TRPC4: variants seen among roughly 807,000 people sequenced by gnomAD.
TRPC4 encodes the protein transient receptor potential cation channel subfamily C member 4.
A neutral mutation model predicts 99.4 loss-of-function variants in TRPC4; 49 were observed. The observed-to-expected ratio is 0.49, with a 90% CI of 0.39 to 0.63. The LOEUF (loss-of-function observed/expected upper bound fraction) is 0.63. Among genes scored for constraint, TRPC4 ranks in the 20% least tolerant of loss-of-function variants. TRPC4 has a pLI of 0.00. For missense variants in TRPC4, 898 were observed against 1,152.9 expected (o/e 0.78, Z 3.20); for synonymous variants, 454 against 425.9 (o/e 1.07, Z -0.81).
Position 37,825,015 on chromosome 13 carries a change from C to T in TRPC4, c.-27-41655G>A, listed in dbSNP as rs1488652491. On this transcript the variant is annotated intron_variant, in intron 1 of 10. Transcript: ENST00000379705. Reference sequence around the variant, plus strand: ...TTTAGTCTTGGGAGAGTGTATGTGTCGGGGAATTTATCCATTTCTTCTAGA... The same window carrying T: ...TTTAGTCTTGGGAGAGTGTATGTGTTGGGGAATTTATCCATTTCTTCTAGA... 5.9e-5 allele frequency among the ~76,000 whole-genome samples: 9 copies of T among 151,864 alleles called. No homozygotes were observed. In the South Asian group the frequency reaches 1.5e-3, roughly 25 times the overall value.
rs1187833323 is a variant in TRPC4 at position 37,633,980 on chromosome 13, A to G, written c.*2923T>C. 6.6e-6 allele frequency among the ~76,000 whole-genome samples: 1 copy of G among 152,134 alleles called. No homozygotes were observed. Among genetic ancestry groups the G allele is most frequent in the Admixed American group, 6.6e-5 (1 of 15,260 alleles). The stretch of plus-strand genomic sequence containing the variant: ...TTCTTATAAATGGGACTTCCAAAAT[A>G]CAATTGTGATAAACAAAGTGTTTTA... On this transcript the variant is annotated 3_prime_UTR_variant, in exon 11 of 11. Coordinates refer to ENST00000379705, the MANE Select transcript of TRPC4 (RefSeq NM_016179.4).
chr13:37,723,931 T>C (rs1172869351), intron 3 of TRPC4, among the ~76,000 whole-genome samples: 2 of 152,138 alleles, frequency 1.3e-5, no homozygotes, highest in Non-Finnish European at 2.9e-5. Context: ...ACTATTCCTT[T>C]CTAAAAATCT....
At position 37,700,523 on chromosome 13, in the gene TRPC4, A is replaced by G. The variant is rs78034011; in HGVS notation, c.898-8188T>C. 7.3e-3 allele frequency among the ~76,000 whole-genome samples: 1,118 copies of G among 152,344 alleles called. 10 individuals are homozygous for G. Among genetic ancestry groups the G allele is most frequent in the Middle Eastern group, 0.02 (6 of 294 alleles). On this transcript the variant is annotated intron_variant, in intron 3 of 10. Transcript: ENST00000379705. ...GTCAAGAATTCAGAAAGGAAAAAAG[A>G]GACAGAATGGGAATGAATATTAGTT...
chr13:37,647,546 G>A (rs1951889114), intron 8 of TRPC4, among the ~76,000 whole-genome samples: 1 of 152,208 alleles, frequency 6.6e-6, no homozygotes, highest in African/African-American at 2.4e-5. Flanking sequence ...GTGATGGAAA[G>A]CAGTTTGAAC....
intron 5 of TRPC4, among the ~76,000 whole-genome samples, chr13:37,665,557 A>G (rs1053184573): frequency 6.6e-6 from 1 of 152,132 alleles, no homozygotes; most frequent in Non-Finnish European, 1.5e-5. Flanking sequence ...GGCACAACTA[A>G]TTACAATAAA....
At chr13:37,730,374 A>G (rs1046761476) in intron 3 of TRPC4, among the ~76,000 whole-genome samples, 1 of 151,998 alleles carries the variant, frequency 6.6e-6, no homozygotes, top group Non-Finnish European at 1.5e-5. Flanking sequence ...TGTTTTGTTT[A>G]TAATTAAATT....
intron 4 of TRPC4, among the ~76,000 whole-genome samples, chr13:37,683,906 T>A (rs1379312558): frequency 6.6e-6 from 1 of 152,184 alleles, no homozygotes; most frequent in African/African-American, 2.4e-5. Context: ...TAGCCTACTT[T>A]TAAATAACTT....
chr13:37,648,240 G>A (rs566292694), intron 8 of TRPC4, among the ~76,000 whole-genome samples: 3 of 152,004 alleles, frequency 2.0e-5, no homozygotes, highest in East Asian at 1.9e-4. Flanking sequence ...CGCACCCAGC[G>A]TTTCTTATAC....
intron 3 of TRPC4, among the ~76,000 whole-genome samples, chr13:37,706,354 C>T (rs1954277431): frequency 6.6e-6 from 1 of 152,128 alleles, no homozygotes; most frequent in Non-Finnish European, 1.5e-5. Flanking sequence ...TAATTAGCTT[C>T]CTCTGCCTCT....
At chr13:37,831,105 T>C (rs1958410086) in intron 1 of TRPC4, among the ~76,000 whole-genome samples, 2 of 152,228 alleles carry the variant, frequency 1.3e-5, no homozygotes, top group Middle Eastern at 3.4e-3. Context: ...AATTTTTTTT[T>C]CACATTTGAT....
intron 3 of TRPC4, among the ~76,000 whole-genome samples, chr13:37,692,694 A>G (rs1953757027): frequency 6.6e-6 from 1 of 152,342 alleles, no homozygotes; most frequent in South Asian, 2.1e-4. Context: ...ATAAGAATAT[A>G]TAAGTGTGGC....
chr13:37,681,336 G>A (rs1301445248), intron 4 of TRPC4, among the ~76,000 whole-genome samples: 1 of 152,146 alleles, frequency 6.6e-6, no homozygotes, highest in Admixed American at 6.5e-5. Flanking sequence ...GCACAAATGT[G>A]TGGGAAAAAC....
At chr13:37,835,324 A>G (rs770460099) in intron 1 of TRPC4, among the ~76,000 whole-genome samples, 13 of 152,152 alleles carry the variant, frequency 8.5e-5, no homozygotes, top group South Asian at 2.1e-4. Context: ...ATGAATGTCC[A>G]GTGTCCTCCA....
chr13:37,666,632 G>T lies in TRPC4; in HGVS notation c.1375-2903C>A, dbSNP rs529038250. Among the ~76,000 whole-genome samples, 3 of 152,122 alleles carry T rather than the reference G, an allele frequency of 2.0e-5. No individual in the cohort carries two copies. In the East Asian group the frequency reaches 5.8e-4, roughly 29 times the overall value. On this transcript the variant is annotated intron_variant, in intron 5 of 10. Coordinates refer to ENST00000379705, the MANE Select transcript of TRPC4 (RefSeq NM_016179.4). Reference sequence around the variant, plus strand: ...AATAATTTTAATTCTTCAATCAGTCGATGAATTTTCCACACCTATTCTTAG... The same window carrying T: ...AATAATTTTAATTCTTCAATCAGTCTATGAATTTTCCACACCTATTCTTAG...
chr13:37,810,300 T>C (rs903883079), intron 1 of TRPC4, among the ~76,000 whole-genome samples: 8 of 152,078 alleles, frequency 5.3e-5, no homozygotes, highest in African/African-American at 1.9e-4. Flanking sequence ...AAAATTATAT[T>C]GAAGTTGTGT....
chr13:37,691,326 G>C (rs986688829), intron 4 of TRPC4, among the ~76,000 whole-genome samples: 9 of 152,044 alleles, frequency 5.9e-5, no homozygotes, highest in African/African-American at 2.2e-4. Context: ...GGATGGCTAC[G>C]ATCTCCTGAC....
At chr13:37,729,949 T>C (rs1955190830) in intron 3 of TRPC4, among the ~76,000 whole-genome samples, 1 of 152,038 alleles carries the variant, frequency 6.6e-6, no homozygotes, top group Non-Finnish European at 1.5e-5. Context: ...GCCACTCAAC[T>C]ACACACACAA....
At chr13:37,727,013 A>G (rs1955088419) in intron 3 of TRPC4, among the ~76,000 whole-genome samples, 3 of 152,126 alleles carry the variant, frequency 2.0e-5, no homozygotes, top group African/African-American at 7.2e-5. Flanking sequence ...ACCCTCTCTC[A>G]AGAGCAGACA....
At chr13:37,707,515 T>A (rs1473811519) in intron 3 of TRPC4, among the ~76,000 whole-genome samples, 2 of 152,178 alleles carry the variant, frequency 1.3e-5, no homozygotes, top group Non-Finnish European at 2.9e-5. Flanking sequence ...AGTAGTTAGT[T>A]ACGTATATAC....
Sources: gnomAD v4.1 joint callset for allele counts (sites outside exome capture counted in the v4.1 genomes callset) on GRCh38, gnomAD v4.1.1 for gene constraint, MANE v1.5 for transcripts, NCBI Gene and HGNC (gene_info 2026-07-23, HGNC 2026-07-21) for gene names.